Variants in DLGAP2 observed in about 807,000 individuals in gnomAD.
DLGAP2 encodes the protein DLG associated protein 2, also known as disks large-associated protein 2.
Under a neutral mutation model 100.3 loss-of-function variants are expected in DLGAP2, and 26 were observed. That is an observed-to-expected ratio of 0.26 (90% confidence interval 0.19 to 0.36). The LOEUF (loss-of-function observed/expected upper bound fraction) is 0.36, where lower values mean the gene tolerates loss of function less well. DLGAP2 is among the 10% of genes least tolerant of loss of function. DLGAP2 has a pLI of 1.00. For missense variants in DLGAP2, 1,858 were observed against 1,453.2 expected, an observed-to-expected ratio of 1.28 and a Z score of -4.53; for synonymous variants, 886 against 630.1, an observed-to-expected ratio of 1.41 and a Z score of -6.08.
intron 1 of DLGAP2, among the ~76,000 whole-genome samples, chr8:791,909 G>A (rs900936293): frequency 6.6e-6 from 1 of 152,176 alleles, no homozygotes; most frequent in African/African-American, 2.4e-5. Flanking sequence ...CCCCATTGGA[G>A]TTAACCCCTA....
chr8:1,639,143 G>C (rs1007365294), intron 8 of DLGAP2, among the ~76,000 whole-genome samples: 12 of 152,238 alleles, frequency 7.9e-5, no homozygotes, highest in African/African-American at 2.9e-4. Context: ...TCAAGAAGAG[G>C]TGTGGAGGTC....
At chr8:1,438,460 A>G (rs1797716990) in intron 3 of DLGAP2, among the ~76,000 whole-genome samples, 1 of 152,042 alleles carries the variant, frequency 6.6e-6, no homozygotes, top group South Asian at 2.1e-4. Context: ...AACAGTAACA[A>G]GGCCCAAAGA....
intron 6 of DLGAP2, among the ~76,000 whole-genome samples, chr8:1,598,221 A>T (rs1796519263): frequency 6.6e-6 from 1 of 152,286 alleles, no homozygotes; most frequent in Middle Eastern, 3.4e-3. Context: ...AGCCGACTTG[A>T]TCGTGGTGGA....
Position 1,105,925 on chromosome 8 carries a change from C to T in DLGAP2, c.74-152926C>T, listed in dbSNP as rs115057807. Among the ~76,000 whole-genome samples, 7 of 146,162 alleles carry T rather than the reference C, an allele frequency of 4.8e-5. No homozygotes were observed. In the South Asian group the frequency reaches 1.5e-3, roughly 32 times the overall value. On this transcript the variant is annotated intron_variant, in intron 2 of 14. Coordinates refer to ENST00000637795, the MANE Select transcript of DLGAP2 (RefSeq NM_001346810.2). The stretch of plus-strand genomic sequence containing the variant: ...AGGAGGGTTTTCTATTGAAGGAGGC[C>T]ATTCTAGGAGTGTTTTCTATTGAAG...
At chr8:938,745 G>C (rs556201720) in intron 2 of DLGAP2, among the ~76,000 whole-genome samples, 16 of 152,158 alleles carry the variant, frequency 1.1e-4, no homozygotes, top group African/African-American at 3.6e-4. Flanking sequence ...GTGTGGGCAC[G>C]GCCAGCCAAT....
chr8:1,558,796 C>A (rs183915422), intron 5 of DLGAP2, among the ~76,000 whole-genome samples: 5 of 151,284 alleles, frequency 3.3e-5, no homozygotes, highest in Admixed American at 1.3e-4. Flanking sequence ...GCACATTACA[C>A]ATACACACAT....
At chr8:1,328,302 A>G (rs1221404480) in intron 3 of DLGAP2, among the ~76,000 whole-genome samples, 4 of 151,392 alleles carry the variant, frequency 2.6e-5, no homozygotes, top group Non-Finnish European at 1.5e-5. Context: ...AGCCTCCCAA[A>G]GTGCTGTACA....
intron 1 of DLGAP2, among the ~76,000 whole-genome samples, chr8:768,735 G>A (rs1644120015): frequency 6.6e-6 from 1 of 152,040 alleles, no homozygotes. Context: ...GACTCTGATT[G>A]AGCCCACACC....
At chr8:1,030,703 C>T (rs1213319448) in intron 2 of DLGAP2, among the ~76,000 whole-genome samples, 1 of 152,342 alleles carries the variant, frequency 6.6e-6, no homozygotes, top group East Asian at 1.9e-4. Context: ...TGCAGTTTTG[C>T]TTCAGAGAAG....
At chr8:1,114,253 T>A (rs971580351) in intron 2 of DLGAP2, among the ~76,000 whole-genome samples, 5 of 152,284 alleles carry the variant, frequency 3.3e-5, no homozygotes, top group East Asian at 3.9e-4. Flanking sequence ...CAGTTTTTTT[T>A]AATAGGTTCA....
intron 2 of DLGAP2, among the ~76,000 whole-genome samples, chr8:1,131,483 C>T (rs1796292947): frequency 6.6e-6 from 1 of 152,180 alleles, no homozygotes; most frequent in Admixed American, 6.5e-5. Context: ...TGGCTCATCC[C>T]ACCTTGGGTT....
In DLGAP2 at chr8:928,273, C is replaced by A. The variant is rs144816869; in HGVS notation, c.73+20307C>A. Reference sequence around the variant, plus strand: ...GTTTGCGTTCACTAGGTGTCCTGGACACGGTTTACCGAGGTTGAGTGTGTG... The same window carrying A: ...GTTTGCGTTCACTAGGTGTCCTGGAAACGGTTTACCGAGGTTGAGTGTGTG... On this transcript the variant is annotated intron_variant, in intron 2 of 14. Transcript: ENST00000637795. Among the ~76,000 whole-genome samples, 215 of 152,284 alleles carry A rather than the reference C, an allele frequency of 1.4e-3. 1 individual carries two copies. The highest frequency in any genetic ancestry group is 5.0e-3 in the African/African-American group (208 of 41,548).
chr8:824,907 G>T (rs527256067), intron 1 of DLGAP2, among the ~76,000 whole-genome samples: 1 of 152,158 alleles, frequency 6.6e-6, no homozygotes, highest in Non-Finnish European at 1.5e-5. Flanking sequence ...CTCCCTGAGG[G>T]GCCATGGAAG....
intron 1 of DLGAP2, among the ~76,000 whole-genome samples, chr8:758,298 C>G (rs764108037): frequency 2.6e-5 from 4 of 152,150 alleles, no homozygotes; most frequent in Non-Finnish European, 5.9e-5. Context: ...CTGAATAAAC[C>G]TTGAAACAAT....
intron 1 of DLGAP2, among the ~76,000 whole-genome samples, chr8:838,213 T>G (rs1204439126): frequency 6.6e-6 from 1 of 152,078 alleles, no homozygotes; most frequent in Non-Finnish European, 1.5e-5. Context: ...CTCCCTTTGT[T>G]CCTTTTAAGT....
intron 1 of DLGAP2, among the ~76,000 whole-genome samples, chr8:761,680 G>T (rs1326691657): frequency 6.6e-6 from 1 of 152,154 alleles, no homozygotes; most frequent in Non-Finnish European, 1.5e-5. Flanking sequence ...AATCATTCCC[G>T]TGTGTCAGGC....
intron 2 of DLGAP2, among the ~76,000 whole-genome samples, chr8:954,088 C>A (rs529473602): frequency 6.6e-5 from 10 of 152,234 alleles, no homozygotes; most frequent in Admixed American, 6.5e-4. Flanking sequence ...GTAGTTTTGA[C>A]GTCTTGAACC....
At chr8:1,421,242 A>C (rs867053218) in intron 3 of DLGAP2, among the ~76,000 whole-genome samples, 7 of 152,314 alleles carry the variant, frequency 4.6e-5, no homozygotes, top group Middle Eastern at 3.4e-3. Context: ...GAGCTGCTGT[A>C]ATCTGTGAAC....
At chr8:761,188 C>G (rs79472266) in intron 1 of DLGAP2, among the ~76,000 whole-genome samples, 2 of 152,272 alleles carry the variant, frequency 1.3e-5, no homozygotes, top group South Asian at 2.1e-4. Context: ...TCTGCTCCCC[C>G]CCACTTTACT....
Sources: allele counts gnomAD v4.1 joint callset (sites outside exome capture counted in the v4.1 genomes callset), GRCh38; gene constraint gnomAD v4.1.1; transcripts MANE v1.5; gene names NCBI Gene and HGNC (gene_info 2026-07-23, HGNC 2026-07-21).